KCND2: variants seen among roughly 807,000 people sequenced by gnomAD.
KCND2 encodes the protein potassium voltage-gated channel subfamily D member 2.
In KCND2, 16 loss-of-function variants were observed where a neutral mutation model predicts 54.4. That is an observed-to-expected ratio of 0.29 (90% CI 0.20 to 0.45). KCND2 has a LOEUF of 0.45. Among genes scored for constraint, KCND2 ranks in the 20% least tolerant of loss-of-function variants. The pLI is 1.00. For synonymous variants in KCND2, 317 were observed against 310.7 expected, an observed-to-expected ratio of 1.02 and a Z score of -0.21; for missense variants, 486 against 824.2, an observed-to-expected ratio of 0.59 and a Z score of 5.02.
At chr7:120,428,245 T>C (rs1316039455) in intron 1 of KCND2, among the ~76,000 whole-genome samples, 1 of 152,218 alleles carries the variant, frequency 6.6e-6, no homozygotes, top group Non-Finnish European at 1.5e-5. Flanking sequence ...TGATGACTAC[T>C]AACAATACTT....
At chr7:120,680,783 G>T (rs1330602000) in intron 1 of KCND2, among the ~76,000 whole-genome samples, 1 of 152,030 alleles carries the variant, frequency 6.6e-6, no homozygotes, top group African/African-American at 2.4e-5. Flanking sequence ...TTAGAGCACT[G>T]CCTGACACAA....
At chr7:120,361,513 G>A (rs1800592493) in intron 1 of KCND2, among the ~76,000 whole-genome samples, 1 of 151,848 alleles carries the variant, frequency 6.6e-6, no homozygotes, top group Admixed American at 6.6e-5. Flanking sequence ...GCTTAGAAGG[G>A]CAATTTGTAA....
chr7:120,711,141 CATA>C (rs1372322473), intron 1 of KCND2, among the ~76,000 whole-genome samples: 3 of 151,946 alleles, frequency 2.0e-5, no homozygotes, highest in African/African-American at 7.2e-5. Context: ...ACATTTGTTA[CATA>C]ATATAAACAT....
intron 1 of KCND2, among the ~76,000 whole-genome samples, chr7:120,346,934 G>A (rs899730100): frequency 6.6e-6 from 1 of 152,186 alleles, no homozygotes; most frequent in African/African-American, 2.4e-5. Context: ...AGGAGGATGT[G>A]AGAGGTTACT....
chr7:120,481,699 T>C (rs1802610524), intron 1 of KCND2, among the ~76,000 whole-genome samples: 1 of 152,192 alleles, frequency 6.6e-6, no homozygotes, highest in Non-Finnish European at 1.5e-5. Context: ...CAGTGCTTTT[T>C]AGCTTCCTCA....
At chr7:120,321,757 C>T (rs373543222) in intron 1 of KCND2, among the ~76,000 whole-genome samples, 28 of 152,106 alleles carry the variant, frequency 1.8e-4, no homozygotes, top group East Asian at 1.7e-3. Context: ...ATGTCCAACA[C>T]GCTTGCTGTT....
At chr7:120,699,420 C>T (rs955293581) in intron 1 of KCND2, among the ~76,000 whole-genome samples, 1 of 152,008 alleles carries the variant, frequency 6.6e-6, no homozygotes, top group Admixed American at 6.6e-5. Flanking sequence ...GTGGTAGGAC[C>T]CAAATATACA....
intron 1 of KCND2, among the ~76,000 whole-genome samples, chr7:120,501,038 A>G (rs555814084): frequency 2.0e-5 from 3 of 152,098 alleles, no homozygotes; most frequent in Admixed American, 1.3e-4. Flanking sequence ...GAACTCATCA[A>G]ATGTATACCC....
chr7:120,390,964 A>G (rs780232717), intron 1 of KCND2, among the ~76,000 whole-genome samples: 1 of 152,046 alleles, frequency 6.6e-6, no homozygotes, highest in Non-Finnish European at 1.5e-5. Context: ...GGTTAGTTAC[A>G]TAGGTATATA....
chr7:120,719,077 GGA>G (rs1177803725), intron 1 of KCND2, among the ~76,000 whole-genome samples: 1 of 152,078 alleles, frequency 6.6e-6, no homozygotes, highest in Non-Finnish European at 1.5e-5. Flanking sequence ...TTTTGAGGAA[GGA>G]AAGAAGGGAG....
intron 1 of KCND2, among the ~76,000 whole-genome samples, chr7:120,362,115 C>A (rs1481909261): frequency 1.3e-5 from 2 of 152,072 alleles, no homozygotes; most frequent in Non-Finnish European, 2.9e-5. Context: ...TGATTGCAAG[C>A]CTTTCCATAT....
chr7:120,485,329 C>G (rs928976405), intron 1 of KCND2, among the ~76,000 whole-genome samples: 1 of 152,172 alleles, frequency 6.6e-6, no homozygotes, highest in Non-Finnish European at 1.5e-5. Flanking sequence ...GATAACAAAT[C>G]TTAAAATGCC....
At chr7:120,292,477 A>C (rs1799449672) in intron 1 of KCND2, among the ~76,000 whole-genome samples, 3 of 151,900 alleles carry the variant, frequency 2.0e-5, no homozygotes, top group South Asian at 4.1e-4. Context: ...TTTTCTTCAG[A>C]GAATCACAGG....
chr7:120,407,703 A>C (rs1220573756), intron 1 of KCND2, among the ~76,000 whole-genome samples: 2 of 150,936 alleles, frequency 1.3e-5, no homozygotes, highest in Non-Finnish European at 3.0e-5. Context: ...GTAGTATAAA[A>C]ACTTTATAAT....
chr7:120,290,241 C>T (rs1365480043), intron 1 of KCND2, among the ~76,000 whole-genome samples: 1 of 152,018 alleles, frequency 6.6e-6, no homozygotes, highest in East Asian at 1.9e-4. Flanking sequence ...ATAACCCTTT[C>T]TAGCCACTTC....
chr7:120,352,278 T>C (rs977567776), intron 1 of KCND2, among the ~76,000 whole-genome samples: 14 of 152,052 alleles, frequency 9.2e-5, no homozygotes, highest in Non-Finnish European at 1.8e-4. Context: ...ACCCTGTCTA[T>C]ATCAAAGATT....
chr7:120,454,852 A>G (rs1175266312), intron 1 of KCND2, among the ~76,000 whole-genome samples: 2 of 152,222 alleles, frequency 1.3e-5, no homozygotes, highest in Non-Finnish European at 2.9e-5. Flanking sequence ...ATACAAAATT[A>G]GTGTACAAAA....
chr7:120,571,284 A>T (rs1014320671), intron 1 of KCND2, among the ~76,000 whole-genome samples: 1 of 152,226 alleles, frequency 6.6e-6, no homozygotes, highest in Non-Finnish European at 1.5e-5. Flanking sequence ...CAAAATATGA[A>T]TTAAAGAGAG....
chr7:120,538,066 C>T (rs1318223669), intron 1 of KCND2, among the ~76,000 whole-genome samples: 4 of 152,150 alleles, frequency 2.6e-5, no homozygotes, highest in South Asian at 4.1e-4. Flanking sequence ...TCTCACTAAG[C>T]GGAATCATTT....
Sources: gnomAD v4.1 joint callset for allele counts (sites outside exome capture counted in the v4.1 genomes callset) on GRCh38, gnomAD v4.1.1 for gene constraint, MANE v1.5 for transcripts, NCBI Gene and HGNC (gene_info 2026-07-23, HGNC 2026-07-21) for gene names.